The following ANKRD33B variants were observed in gnomAD, a reference collection of about 807,000 sequenced individuals.
The protein encoded by ANKRD33B is ankyrin repeat domain-containing protein 33B.
Under a neutral mutation model 21.5 loss-of-function variants are expected in ANKRD33B, and 6 were observed. The observed-to-expected ratio is 0.28, with a 90% CI of 0.15 to 0.55. The LOEUF is 0.55. Ranked by LOEUF, ANKRD33B falls within the 20% of genes least tolerant of loss-of-function variation. The pLI is 0.94. For missense variants in ANKRD33B, 698 were observed against 747.2 expected, an observed-to-expected ratio of 0.93 and a Z score of 0.77; for synonymous variants, 347 against 342.4, an observed-to-expected ratio of 1.01 and a Z score of -0.15.
chr5:10,582,795 C>T (rs1370846540), intron 1 of ANKRD33B, among the ~76,000 whole-genome samples: 1 of 152,200 alleles, frequency 6.6e-6, no homozygotes, highest in Non-Finnish European at 1.5e-5. Flanking sequence ...CGCATGGCTT[C>T]CCCGACTTTG....
In ANKRD33B at chr5:10,651,664, G is replaced by A. The variant is rs1737360154; in HGVS notation, c.*1551G>A. 2 of 152,252 alleles carry A rather than the reference G, an allele frequency of 1.3e-5. No individual in the cohort carries two copies. The highest frequency in any genetic ancestry group is 4.8e-5 in the African/African-American group (2 of 41,412). The allele number at this position is 152,252 out of a possible 1,614,324, so 9.4% of individuals were successfully genotyped here. Reference sequence around the variant, plus strand: ...ACGCACGATCACAGGCCTATTTGGAGGCTCTGTACTATGACCCTAATAACC... The same window carrying A: ...ACGCACGATCACAGGCCTATTTGGAAGCTCTGTACTATGACCCTAATAACC... On this transcript the variant is annotated 3_prime_UTR_variant, in exon 4 of 4. Coordinates refer to ENST00000296657, the MANE Select transcript of ANKRD33B (RefSeq NM_001164440.2).
chr5:10,636,276 A>G (rs1451875833), intron 2 of ANKRD33B, among the ~76,000 whole-genome samples: 1 of 152,144 alleles, frequency 6.6e-6, no homozygotes, highest in African/African-American at 2.4e-5. Context: ...AGTTGGAATG[A>G]ATAAGTGGGG....
At position 10,638,440 on chromosome 5, in the gene ANKRD33B, C is replaced by G. The variant is rs1736926576; in HGVS notation, c.637+272C>G. The stretch of plus-strand genomic sequence containing the variant: ...CACCTGCTGTTTTCCTCCTGCCCAC[C>G]CGTTCTACACCCCAAGTCCTGTCCA... On this transcript the variant is annotated intron_variant, in intron 3 of 3. Transcript: ENST00000296657. Among the ~76,000 whole-genome samples, 3 of 151,292 alleles carry G rather than the reference C, an allele frequency of 2.0e-5. No homozygotes were observed. The South Asian group carries it at 6.3e-4, about 32-fold the overall frequency.
At chr5:10,648,511 G>A (rs1257179291) in intron 3 of ANKRD33B, among the ~76,000 whole-genome samples, 1 of 152,256 alleles carries the variant, frequency 6.6e-6, no homozygotes, top group African/African-American at 2.4e-5. Context: ...TGTAATCCCA[G>A]CACTTTGGGA....
At chr5:10,590,612 G>A (rs1199701529) in intron 1 of ANKRD33B, among the ~76,000 whole-genome samples, 2 of 120,476 alleles carry the variant, frequency 1.7e-5, no homozygotes, top group African/African-American at 8.5e-5. Flanking sequence ...GCGCGCGTGT[G>A]TGTGTGTGTG....
intron 1 of ANKRD33B, among the ~76,000 whole-genome samples, chr5:10,569,108 T>A (rs1007027076): frequency 6.6e-6 from 1 of 152,206 alleles, no homozygotes; most frequent in African/African-American, 2.4e-5. Flanking sequence ...TCCCCAAAAA[T>A]GAGAATCCAG....
intron 2 of ANKRD33B, among the ~76,000 whole-genome samples, chr5:10,635,301 A>G (rs1017145971): frequency 2.6e-5 from 4 of 152,224 alleles, no homozygotes; most frequent in Non-Finnish European, 5.9e-5. Context: ...GCCGCCAAGC[A>G]TTTAACTGGA....
At chr5:10,595,282 T>C (rs541955006) in intron 1 of ANKRD33B, among the ~76,000 whole-genome samples, 1 of 152,186 alleles carries the variant, frequency 6.6e-6, no homozygotes, top group East Asian at 1.9e-4. Context: ...CCGTAACAAA[T>C]GACCACAAAG....
Position 10,619,491 on chromosome 5 carries a change from G to GT in ANKRD33B, c.496+1030dup, listed in dbSNP as rs1736365052. On this transcript the variant is annotated intron_variant, in intron 2 of 3. Coordinates refer to ENST00000296657, the MANE Select transcript of ANKRD33B (RefSeq NM_001164440.2). This position sits in a 1 kb window ranked among gnomAD's most constrained non-coding sequence, Gnocchi z 4.5. ...AAGCCACCCTGGGTGGATCTGATGG[G>GT]TGGGGGGCCAGGGAGGCTGGAAAAC... 4 of 593,412 alleles carry GT rather than the reference G, an allele frequency of 6.7e-6. No individual in the cohort carries two copies. The East Asian group carries it at 4.2e-4, about 63-fold the overall frequency. The allele number at this position is 593,412 out of a possible 1,614,324, so 36.8% of individuals were successfully genotyped here.
rs555094533 is a variant in ANKRD33B, at chr5:10,583,849, G to A, written c.366+19016G>A. ...AATGCTTCTCTCTTTGTGATTTGGAGTGTTTGTTGTTGTTTGAATCTTAAC... is the reference window on the plus strand; with the variant it reads ...AATGCTTCTCTCTTTGTGATTTGGAATGTTTGTTGTTGTTTGAATCTTAAC... On this transcript the variant is annotated intron_variant, in intron 1 of 3. Transcript: ENST00000296657. Among the ~76,000 whole-genome samples the A allele has an allele frequency of 1.1e-4, 17 of 152,334 alleles. No individual in the cohort carries two copies. In the South Asian group the frequency reaches 2.7e-3, roughly 24 times the overall value.
Position 10,564,806 on chromosome 5 carries a change from G to A in ANKRD33B, c.339G>A (p.Glu113=), listed in dbSNP as rs1157960786. ...TLVRRGVSVE[E]AQETDRNGRT... ...TGCGGCGCGGGGTGAGCGTCGAGGA[G>A]GCGCAGGAGACTGACCGCAACGGCA... Residue 113 remains glutamate (E), a synonymous_variant, in exon 1 of 4, where the codon GAG becomes GAA. Coordinates refer to ENST00000296657, the MANE Select transcript of ANKRD33B (RefSeq NM_001164440.2). 6.6e-7 allele frequency: 1 copy of A among 1,518,636 alleles called. No individual in the cohort carries two copies. The highest frequency in any genetic ancestry group is 2.5e-5 in the East Asian group (1 of 40,510). 94.1% of individuals were successfully genotyped at this position (1,518,636 alleles called of 1,614,324 possible).
intron 1 of ANKRD33B, among the ~76,000 whole-genome samples, chr5:10,597,458 A>G (rs1489501958): frequency 1.3e-5 from 2 of 152,234 alleles, no homozygotes; most frequent in Non-Finnish European, 2.9e-5. Context: ...GCATTACATA[A>G]TGGTAAAGGA....
rs1735336301 is a variant in ANKRD33B, at chr5:10,576,994, G to C, written c.366+12161G>C. On this transcript the variant is annotated intron_variant, in intron 1 of 3. Transcript: ENST00000296657. The surrounding 1 kb of genome is among the most constrained non-coding windows in gnomAD (Gnocchi z 4.1). ...GTGGGTGGGAGGAGAATCGGAAGCG[G>C]CATAAGGAGAGTTTTTCAAGAAGGG... Among the ~76,000 whole-genome samples, 1 of 152,164 alleles carries C rather than the reference G, an allele frequency of 6.6e-6. No individual in the cohort carries two copies. The highest frequency in any genetic ancestry group is 2.4e-5 in the African/African-American group (1 of 41,448).
rs963837540 is a variant in ANKRD33B, at chr5:10,619,239, G to A, written c.496+777G>A. ...TCATCGGTCAAGTTCTCAGTTGCAAGCAAAGAAGCTGCCTGCAGCTGAGCC... is the reference window on the plus strand; with the variant it reads ...TCATCGGTCAAGTTCTCAGTTGCAAACAAAGAAGCTGCCTGCAGCTGAGCC... On this transcript the variant is annotated intron_variant, in intron 2 of 3. Transcript: ENST00000296657. The surrounding 1 kb of genome is among the most constrained non-coding windows in gnomAD (Gnocchi z 4.5). The A allele has an allele frequency of 7.9e-5, 75 of 945,044 alleles. No individual in the cohort carries two copies. Among genetic ancestry groups the A allele is most frequent in the Non-Finnish European group, 8.9e-5 (71 of 793,296 alleles). 58.5% of individuals were successfully genotyped at this position (945,044 alleles called of 1,614,324 possible).
At chr5:10,586,765 AT>A (rs1169796216) in intron 1 of ANKRD33B, among the ~76,000 whole-genome samples, 1 of 152,138 alleles carries the variant, frequency 6.6e-6, no homozygotes, top group Non-Finnish European at 1.5e-5. Context: ...ATTCTGGGAC[AT>A]TACTCATTTG....
intron 3 of ANKRD33B, among the ~76,000 whole-genome samples, chr5:10,647,607 C>A (rs2126609263): frequency 6.6e-6 from 1 of 152,206 alleles, no homozygotes; most frequent in South Asian, 2.1e-4. Flanking sequence ...GTCAGGGAGA[C>A]TGTGTAAGGG....
At chr5:10,590,560 T>C (rs1322496127) in intron 1 of ANKRD33B, among the ~76,000 whole-genome samples, 1 of 151,906 alleles carries the variant, frequency 6.6e-6, no homozygotes, top group Non-Finnish European at 1.5e-5. Flanking sequence ...CCAACACAAA[T>C]TTGTAGACTT....
At chr5:10,575,750 T>C (rs1479758139) in intron 1 of ANKRD33B, among the ~76,000 whole-genome samples, 1 of 152,164 alleles carries the variant, frequency 6.6e-6, no homozygotes, top group Non-Finnish European at 1.5e-5. Flanking sequence ...AGAGTTGGTC[T>C]CAGAAGGTTA....
chr5:10,579,020 T>G (rs1414392432), intron 1 of ANKRD33B, among the ~76,000 whole-genome samples: 1 of 151,960 alleles, frequency 6.6e-6, no homozygotes, highest in African/African-American at 2.4e-5. Flanking sequence ...AAAAGTTTTC[T>G]GGTCATGGTG....
Sources: gnomAD v4.1 joint callset for allele counts (sites outside exome capture counted in the v4.1 genomes callset) on GRCh38, gnomAD v4.1.1 for gene constraint, Gnocchi (gnomAD v3.1) non-coding constraint, MANE v1.5 for transcripts, NCBI Gene and HGNC (gene_info 2026-07-23, HGNC 2026-07-21) for gene names.